CARD19: variants seen among roughly 807,000 people sequenced by gnomAD.
CARD19 encodes caspase recruitment domain-containing protein 19.
Under a neutral mutation model 24.1 loss-of-function variants are expected in CARD19, and 25 were observed. That is an observed-to-expected ratio of 1.04 (90% CI 0.76 to 1.45). The LOEUF is 1.45. Ranked by LOEUF, CARD19 falls within the 40% of genes most tolerant of loss-of-function variation. The pLI is 0.00. For missense variants in CARD19, 241 were observed against 247.4 expected, an observed-to-expected ratio of 0.97 and a Z score of 0.17; for synonymous variants, 103 against 104.9, an observed-to-expected ratio of 0.98 and a Z score of 0.11.
intron 3 of CARD19, 37 bp from the exon 4 acceptor site, chr9:93,111,842 C>T (rs753346838): frequency 3.7e-6 from 6 of 1,602,768 alleles, no homozygotes; most frequent in Middle Eastern, 2.1e-4. Flanking sequence ...TCCGGCCCTG[C>T]CCGTTGACTA....
chr9:93,111,354 G>T, intron 3 of CARD19: 1 of 1,114,312 alleles, frequency 9.0e-7, no homozygotes, highest in African/African-American at 1.6e-5. Context: ...TGGCAACTCT[G>T]ATCTGACGCC....
intron 1 of CARD19, among the ~76,000 whole-genome samples, chr9:93,098,532 A>C (rs570639688): frequency 6.6e-6 from 1 of 152,344 alleles, no homozygotes; most frequent in South Asian, 2.1e-4. Context: ...AAGGCTTGCC[A>C]GGTCTGTGCC....
At chr9:93,110,285 G>T (rs932468113) in intron 2 of CARD19, 2 of 422,598 alleles carry the variant, frequency 4.7e-6, no homozygotes, top group Middle Eastern at 6.5e-4. Context: ...ATGAGCCACC[G>T]CACCTTGCCA....
intron 3 of CARD19, chr9:93,111,542 G>T: frequency 8.3e-7 from 1 of 1,204,968 alleles, no homozygotes; most frequent in Non-Finnish European, 1.0e-6. Context: ...AGAGCTCGAG[G>T]GGAGGCCCAG....
At chr9:93,111,219 C>T (rs546093646) in intron 3 of CARD19, 17 of 1,177,358 alleles carry the variant, frequency 1.4e-5, no homozygotes, top group African/African-American at 8.0e-5. Context: ...GTCCGAAGCA[C>T]GTGCATTTCA....
intron 1 of CARD19, among the ~76,000 whole-genome samples, chr9:93,105,237 G>A (rs1167502478): frequency 1.3e-5 from 2 of 151,104 alleles, no homozygotes; most frequent in Non-Finnish European, 2.9e-5. Flanking sequence ...CCTTTCTCAT[G>A]TTACCTCCTA....
chr9:93,099,595 A>G (rs1827004168), intron 1 of CARD19, among the ~76,000 whole-genome samples: 1 of 152,122 alleles, frequency 6.6e-6, no homozygotes, highest in African/African-American at 2.4e-5. Context: ...GACATATGGG[A>G]TTGCTCTGTG....
rs1009579451 is a variant in CARD19, at chr9:93,111,939, G to T, written c.364+1G>T. The T allele has an allele frequency of 3.1e-6, 5 of 1,610,744 alleles. No individual in the cohort carries two copies. The highest frequency in any genetic ancestry group is 4.2e-6 in the Non-Finnish European group (5 of 1,179,406). ...CAGAGCGGCGAGCTGAGTAACAGGG[G>T]TAACACCTCCCTGCTGCCCCTCCCT... On this transcript the variant is annotated splice_donor_variant, in intron 4 of 5. Transcript: ENST00000375464. LOFTEE classifies it high-confidence loss of function.
chr9:93,111,497 C>T (rs1253887825), intron 3 of CARD19: 29 of 1,103,256 alleles, frequency 2.6e-5, no homozygotes, highest in Admixed American at 9.3e-5. Flanking sequence ...GGCCTCCCCA[C>T]GCCTCACAGA....
Position 93,111,940 on chromosome 9 carries a change from T to C in CARD19, c.364+2T>C. ...AGAGCGGCGAGCTGAGTAACAGGGG[T>C]AACACCTCCCTGCTGCCCCTCCCTC... On this transcript the variant is annotated splice_donor_variant, in intron 4 of 5. Coordinates refer to ENST00000375464, the MANE Select transcript of CARD19 (RefSeq NM_032310.5). LOFTEE classifies it high-confidence loss of function. The C allele has an allele frequency of 6.2e-7, 1 of 1,610,232 alleles. No individual in the cohort carries two copies. Among genetic ancestry groups the C allele is most frequent in the Non-Finnish European group, 8.5e-7 (1 of 1,179,282 alleles).
chr9:93,109,505 C>T (rs982793490), intron 2 of CARD19, among the ~76,000 whole-genome samples: 41 of 150,594 alleles, frequency 2.7e-4, no homozygotes, highest in South Asian at 8.4e-4. Context: ...GAGTCTCTGT[C>T]GCCCAGGCTG....
chr9:93,109,773 A>G (rs1827390715), intron 2 of CARD19: 1 of 151,804 alleles, frequency 6.6e-6, no homozygotes, highest in Non-Finnish European at 1.5e-5. Context: ...CCTGGCTTCA[A>G]CTTACTTTTT....
rs567966120 is a variant in CARD19 at position 93,105,252 on chromosome 9, A to C, written c.8-2422A>C. On this transcript the variant is annotated intron_variant, in intron 1 of 5. Transcript: ENST00000375464. ...CCTTTCTCATGTTACCTCCTAATTT[A>C]CCTCATGATTTCTCTTTTGACCCAT... 3.3e-5 allele frequency among the ~76,000 whole-genome samples: 5 copies of C among 150,338 alleles called. No homozygotes were observed. The South Asian group carries it at 1.1e-3, about 32-fold the overall frequency.
At chr9:93,112,704 C>T (rs1224115127) in intron 5 of CARD19, among the ~76,000 whole-genome samples, 2 of 152,292 alleles carry the variant, frequency 1.3e-5, no homozygotes, top group South Asian at 2.1e-4. Context: ...TGGCCTGCCC[C>T]GTCTCCCTTT....
At chr9:93,111,055 A>C in intron 3 of CARD19, 6 of 1,363,162 alleles carry the variant, frequency 4.4e-6, no homozygotes, top group Admixed American at 2.2e-5. Flanking sequence ...GGATCCCTTC[A>C]TGTCTGTGTG....
At chr9:93,098,034 C>G (rs941023074) in intron 1 of CARD19, among the ~76,000 whole-genome samples, 26 of 152,278 alleles carry the variant, frequency 1.7e-4, no homozygotes, top group African/African-American at 6.3e-4. Flanking sequence ...CTTGCGCCAG[C>G]CCTCGCTGTG....
At chr9:93,105,039 C>T (rs1250908080) in intron 1 of CARD19, among the ~76,000 whole-genome samples, 7 of 152,032 alleles carry the variant, frequency 4.6e-5, no homozygotes, top group African/African-American at 1.5e-4. Flanking sequence ...TTCCTTTTCT[C>T]ATTCCTTAAG....
chr9:93,104,072 C>T (rs1390826242), intron 1 of CARD19, among the ~76,000 whole-genome samples: 1 of 152,060 alleles, frequency 6.6e-6, no homozygotes, highest in Non-Finnish European at 1.5e-5. Flanking sequence ...ACTGAAATGG[C>T]CATGTATTTT....
intron 1 of CARD19, among the ~76,000 whole-genome samples, chr9:93,106,420 A>AAAAAAAAT (rs1554753844): frequency 0.042 from 6,274 of 148,570 alleles, 280 homozygotes; most frequent in South Asian, 0.12. Flanking sequence ...CTACTAAAAA[A>AAAAAAAAT]AAAAAAAAAA....
Sources: gnomAD v4.1 joint callset for allele counts (sites outside exome capture counted in the v4.1 genomes callset) on GRCh38, gnomAD v4.1.1 for gene constraint, MANE v1.5 for transcripts, NCBI Gene and HGNC (gene_info 2026-07-23, HGNC 2026-07-21) for gene names.